ADAMTS19: variants seen among roughly 807,000 people sequenced by gnomAD.
ADAMTS19 encodes ADAM metallopeptidase with thrombospondin type 1 motif 19.
Under a neutral mutation model 153.3 loss-of-function variants are expected in ADAMTS19, and 93 were observed. That is an observed-to-expected ratio of 0.61 (90% CI 0.51 to 0.72). The LOEUF is 0.72. Among genes scored for constraint, ADAMTS19 ranks in the 30% least tolerant of loss-of-function variants. The pLI is 0.00. For missense variants in ADAMTS19, 1,482 were observed against 1,552.1 expected, an observed-to-expected ratio of 0.95 and a Z score of 0.76; for synonymous variants, 600 against 556.6, an observed-to-expected ratio of 1.08 and a Z score of -1.10.
rs1561524106 is a variant in ADAMTS19, at chr5:129,460,354, G to A, written c.-38G>A. The A allele has an allele frequency of 3.2e-6, 5 of 1,586,450 alleles. No individual in the cohort carries two copies. Among genetic ancestry groups the A allele is most frequent in the Admixed American group, 1.7e-5 (1 of 59,850 alleles). ...CCCCGGAGTGGATCGCGCTGGAGGC[G>A]TGCGCCGGGCGAGAAGCCGCGGCCG... On this transcript the variant is annotated 5_prime_UTR_variant, in exon 1 of 23. The change creates a new upstream start codon in the 5' untranslated region. Transcript: ENST00000274487.
chr5:129,640,993 T>A (rs1752763286), intron 10 of ADAMTS19, among the ~76,000 whole-genome samples: 1 of 152,122 alleles, frequency 6.6e-6, no homozygotes, highest in Admixed American at 6.6e-5. Context: ...CTCAGCTAAA[T>A]TTTTAAGTCA....
At chr5:129,478,830 C>T (rs1358091008) in intron 2 of ADAMTS19, among the ~76,000 whole-genome samples, 1 of 152,160 alleles carries the variant, frequency 6.6e-6, no homozygotes, top group East Asian at 1.9e-4. Context: ...GCATGAACCA[C>T]TGCACCTGGC....
At chr5:129,601,002 C>T (rs1203041961) in intron 8 of ADAMTS19, among the ~76,000 whole-genome samples, 3 of 152,056 alleles carry the variant, frequency 2.0e-5, no homozygotes, top group African/African-American at 4.8e-5. Context: ...TTCTGAGTCG[C>T]TGGGATTACA....
chr5:129,680,021 C>G, intron 17 of ADAMTS19, 100 bp downstream of exon 17: 1 of 1,240,830 alleles, frequency 8.1e-7, no homozygotes, highest in South Asian at 1.8e-5. Flanking sequence ...TGAATTGTCA[C>G]ACAGACATTT....
intron 2 of ADAMTS19, among the ~76,000 whole-genome samples, chr5:129,478,042 T>C (rs1214814620): frequency 6.6e-6 from 1 of 152,198 alleles, no homozygotes; most frequent in Non-Finnish European, 1.5e-5. Context: ...ATCACAATAA[T>C]ATAAATGGTT....
At chr5:129,470,843 C>G (rs538953809) in intron 2 of ADAMTS19, among the ~76,000 whole-genome samples, 1 of 151,726 alleles carries the variant, frequency 6.6e-6, no homozygotes. Flanking sequence ...TATTGTTTTC[C>G]GTTTAAAATA....
At chr5:129,682,132 C>G (rs1001162361) in intron 17 of ADAMTS19, among the ~76,000 whole-genome samples, 3 of 152,172 alleles carry the variant, frequency 2.0e-5, no homozygotes, top group African/African-American at 7.2e-5. Flanking sequence ...CTTAATCTAA[C>G]TGGTAATTAC....
intron 7 of ADAMTS19, among the ~76,000 whole-genome samples, chr5:129,584,391 A>C (rs985423130): frequency 6.6e-6 from 1 of 152,186 alleles, no homozygotes; most frequent in African/African-American, 2.4e-5. Flanking sequence ...CCACTTGAGG[A>C]GGCAGTCTGT....
chr5:129,717,490 C>G (rs1004030764), intron 21 of ADAMTS19, among the ~76,000 whole-genome samples: 1 of 152,134 alleles, frequency 6.6e-6, no homozygotes, highest in Non-Finnish European at 1.5e-5. Flanking sequence ...TTCACCTTTT[C>G]CTATATCGTA....
chr5:129,536,357 A>G (rs963785056), intron 6 of ADAMTS19, among the ~76,000 whole-genome samples: 5 of 152,212 alleles, frequency 3.3e-5, no homozygotes, highest in East Asian at 1.9e-4. Context: ...CAAAACCACA[A>G]TGAGATACCA....
intron 6 of ADAMTS19, among the ~76,000 whole-genome samples, chr5:129,537,843 G>T (rs912966663): frequency 2.6e-5 from 4 of 151,906 alleles, no homozygotes; most frequent in African/African-American, 7.3e-5. Context: ...GAGTTAATGG[G>T]TACAGCACAC....
intron 8 of ADAMTS19, among the ~76,000 whole-genome samples, chr5:129,608,116 G>GTATATATATATATATATATAATA (rs1751013599): frequency 2.1e-5 from 1 of 47,928 alleles, no homozygotes; most frequent in Non-Finnish European, 5.0e-5. Context: ...GTGTGTGTGT[G>GTATATATATATATATATATAATA]TATATATATA....
rs77733282 is a variant in ADAMTS19, at chr5:129,587,496, T to A, written c.1373-9063T>A. Among the ~76,000 whole-genome samples the A allele has an allele frequency of 5.1e-3, 783 of 152,278 alleles. 7 individuals are homozygous for A. The highest frequency in any genetic ancestry group is 0.017 in the African/African-American group (711 of 41,570). ...TCTCTGCAGCAATGGAGGTTCCAGATGATATTATTATATAGGAGAAATGAT... is the reference window on the plus strand; with the variant it reads ...TCTCTGCAGCAATGGAGGTTCCAGAAGATATTATTATATAGGAGAAATGAT... On this transcript the variant is annotated intron_variant, in intron 7 of 22. Coordinates refer to ENST00000274487, the MANE Select transcript of ADAMTS19 (RefSeq NM_133638.6).
intron 3 of ADAMTS19, 118 bp downstream of exon 3, chr5:129,509,360 TA>T: frequency 1.1e-6 from 1 of 916,962 alleles, no homozygotes; most frequent in Non-Finnish European, 1.6e-6. Context: ...ATCTTTTAAT[TA>T]GTAACAATTA....
chr5:129,658,379 A>AGAGAGAG (rs1324387573), intron 14 of ADAMTS19, among the ~76,000 whole-genome samples: 1,616 of 135,882 alleles, frequency 0.012, 125 homozygotes, highest in African/African-American at 0.048. Context: ...GAGAGAGAGG[A>AGAGAGAG]AGGAAGGAAG....
intron 6 of ADAMTS19, among the ~76,000 whole-genome samples, chr5:129,537,268 A>G (rs1453535748): frequency 6.6e-6 from 1 of 152,120 alleles, no homozygotes; most frequent in Non-Finnish European, 1.5e-5. Context: ...TTAAAAGGTC[A>G]GGAAACAACA....
chr5:129,716,113 C>T (rs921915231), intron 21 of ADAMTS19, among the ~76,000 whole-genome samples: 10 of 152,250 alleles, frequency 6.6e-5, no homozygotes, highest in African/African-American at 2.4e-4. Context: ...AGTACCCTAT[C>T]TTTAGTCTCA....
intron 21 of ADAMTS19, among the ~76,000 whole-genome samples, chr5:129,708,110 T>C (rs777145012): frequency 1.4e-4 from 21 of 152,184 alleles, no homozygotes; most frequent in Non-Finnish European, 2.1e-4. Flanking sequence ...GAAAAATTGC[T>C]CTGGGCTTCT....
intron 11 of ADAMTS19, among the ~76,000 whole-genome samples, chr5:129,643,367 C>CAAAAAAA (rs556007087): frequency 1.3e-3 from 54 of 40,190 alleles, no homozygotes; most frequent in East Asian, 2.4e-3. Context: ...GTTTCAAAGA[C>CAAAAAAA]AAAAAAAAAA....
Sources: allele counts gnomAD v4.1 joint callset (sites outside exome capture counted in the v4.1 genomes callset), GRCh38; gene constraint gnomAD v4.1.1; transcripts MANE v1.5; gene names NCBI Gene and HGNC (gene_info 2026-07-23, HGNC 2026-07-21).